DOK4: variants seen among roughly 807,000 people sequenced by gnomAD.
DOK4 encodes the protein docking protein 4.
A neutral mutation model predicts 40.1 loss-of-function variants in DOK4; 26 were observed. That is an observed-to-expected ratio of 0.65 (90% CI 0.48 to 0.90). The LOEUF (loss-of-function observed/expected upper bound fraction) is 0.90, where lower values mean the gene tolerates loss of function less well. Ranked by LOEUF, DOK4 falls within the 40% of genes least tolerant of loss-of-function variation. DOK4 has a pLI of 0.00. For synonymous variants in DOK4, 179 were observed against 177.0 expected, an observed-to-expected ratio of 1.01 and a Z score of -0.09; for missense variants, 392 against 437.2, an observed-to-expected ratio of 0.90 and a Z score of 0.92.
At chr16:57,475,783 T>TCCCTCTCTCCCCTCTCG in intron 3 of DOK4, 67 bp downstream of exon 3, 1 of 1,164,220 alleles carries the variant, frequency 8.6e-7, no homozygotes, top group East Asian at 3.6e-5. Context: ...CTCCCCTCTC[T>TCCCTCTCTCCCCTCTCG]CCCTCTCTCT....
chr16:57,472,136 T>TGAGAGC (rs1386042271), exon 9 of DOK4: 2 of 152,510 alleles, frequency 1.3e-5, no homozygotes, highest in Non-Finnish European at 2.9e-5. Context: ...CGGGTCACGT[T>TGAGAGC]GAGAGCGAGG....
Position 57,473,906 on chromosome 16 carries a change from C to T in DOK4, c.733G>A (p.Val245Met), listed in dbSNP as rs746169356. 156 of 1,601,138 alleles carry T rather than the reference C, an allele frequency of 9.7e-5. No homozygotes were observed. Among genetic ancestry groups the T allele is most frequent in the Non-Finnish European group, 1.3e-4 (149 of 1,171,232 alleles). The change falls in exon 7 of 9, where the codon GTG (valine) becomes ATG (methionine). Residue 245 changes from valine to methionine, a missense_variant. Physicochemically the swap from Val to Met is conservative, Grantham distance 21. Transcript: ENST00000340099. ...ACTGATGCCCGCTGCCTCACCCTCA[C>T]GTTCTTCTCCATTTCCAGCAGGACC...
rs992645770 is a variant in DOK4 at position 57,474,776 on chromosome 16, A to C, written c.599+17T>G. The C allele has an allele frequency of 1.2e-6, 2 of 1,611,442 alleles. No individual in the cohort carries two copies. The highest frequency in any genetic ancestry group is 8.5e-7 in the Non-Finnish European group (1 of 1,179,312). ...CACACCATAGTAGGACAGGGCTGGG[A>C]GGCGAGAGGGTCCTACCGGCCAGCC... On this transcript the variant is annotated intron_variant, in intron 6 of 8. Coordinates refer to ENST00000340099, the Ensembl canonical transcript of DOK4.
Position 57,482,363 on chromosome 16 carries a change from G to GTTTTT in DOK4, c.-181-2680_-181-2676dup, listed in dbSNP as rs11390639. 4.3e-4 allele frequency among the ~76,000 whole-genome samples: 40 copies of GTTTTT among 93,016 alleles called. 2 individuals are homozygous for GTTTTT. Among genetic ancestry groups the GTTTTT allele is most frequent in the Non-Finnish European group, 6.2e-4 (31 of 49,736 alleles). 61.0% of individuals were successfully genotyped at this position (93,016 alleles called of 152,430 possible). A position where few individuals can be genotyped will look rare whatever the true frequency, so the allele number is the denominator to read the frequency against. On this transcript the variant is annotated intron_variant, in intron 1 of 8. Transcript: ENST00000340099. Reference sequence around the variant, plus strand: ...ACTTGTTTGTAGAGATGGGGCTTTTGTTTTTTTTTTTTTTTTTTTTTGAGA... The same window carrying GTTTTT: ...ACTTGTTTGTAGAGATGGGGCTTTTGTTTTTTTTTTTTTTTTTTTTTTTTTTGAGA...
exon 7 of DOK4, chr16:57,473,942 G>T (rs1167038444): frequency 6.2e-7 from 1 of 1,612,178 alleles, no homozygotes; most frequent in African/African-American, 1.3e-5. Flanking sequence ...CGCTTGTGCT[G>T]CTCTGCGATG....
chr16:57,479,902 G>A lies in DOK4; in HGVS notation c.-181-214C>T, dbSNP rs2031355566. 1 of 177,890 alleles carries A rather than the reference G, an allele frequency of 5.6e-6. No individual in the cohort carries two copies. Among genetic ancestry groups the A allele is most frequent in the Non-Finnish European group, 1.2e-5 (1 of 83,994 alleles). 11.0% of individuals were successfully genotyped at this position (177,890 alleles called of 1,614,324 possible). On this transcript the variant is annotated intron_variant, in intron 1 of 8. Coordinates refer to ENST00000340099, the Ensembl canonical transcript of DOK4. The surrounding 1 kb of genome is among the most constrained non-coding windows in gnomAD (Gnocchi z 5.8). ...GGTGGAGGCGGCAGTGAGGAAAATG[G>A]TCCAGCCCAGTCCCCTCCCTCACGG...
intron 1 of DOK4, among the ~76,000 whole-genome samples, chr16:57,481,210 C>T (rs1482531508): frequency 3.9e-5 from 6 of 152,022 alleles, no homozygotes; most frequent in Non-Finnish European, 7.4e-5. Context: ...ATGGGACTAC[C>T]CCAGTGGGCA....
At chr16:57,481,147 G>C (rs2031395463) in intron 1 of DOK4, among the ~76,000 whole-genome samples, 1 of 152,218 alleles carries the variant, frequency 6.6e-6, no homozygotes, top group South Asian at 2.1e-4. Flanking sequence ...CCAGCAGCTT[G>C]GCATTAATTA....
chr16:57,482,272 C>T (rs1240937209), intron 1 of DOK4, among the ~76,000 whole-genome samples: 1 of 152,184 alleles, frequency 6.6e-6, no homozygotes, highest in African/African-American at 2.4e-5. Flanking sequence ...AGTGATCCAC[C>T]CACCTCAGCC....
Position 57,479,809 on chromosome 16 carries a change from T to G in DOK4, c.-181-121A>C. ...TCCTCTCTCCCTCTTCCCTCCCTCC[T>G]TCCTCCCGCCCTTCTTCCTTCCCTT... On this transcript the variant is annotated intron_variant, in intron 1 of 8. Transcript: ENST00000340099. This position sits in a 1 kb window ranked among gnomAD's most constrained non-coding sequence, Gnocchi z 5.8. 9 of 283,786 alleles carry G rather than the reference T, an allele frequency of 3.2e-5. No individual in the cohort carries two copies. The highest frequency in any genetic ancestry group is 9.4e-5 in the East Asian group (1 of 10,672). 17.6% of individuals were successfully genotyped at this position (283,786 alleles called of 1,614,324 possible). A position where few individuals can be genotyped will look rare whatever the true frequency, so the allele number is the denominator to read the frequency against.
At chr16:57,473,069 T>C (rs1766693476) in exon 9 of DOK4, 1 of 323,942 alleles carries the variant, frequency 3.1e-6, no homozygotes, top group African/African-American at 2.1e-5. Flanking sequence ...AAAATTTGTG[T>C]GTATTGGTGG....
intron 1 of DOK4, among the ~76,000 whole-genome samples, chr16:57,482,468 G>A (rs548170255): frequency 7.0e-6 from 1 of 141,962 alleles, no homozygotes; most frequent in Non-Finnish European, 1.5e-5. Context: ...CCGGGTTCAC[G>A]CCATTCTCCT....
intron 3 of DOK4, 40 bp from the exon 4 acceptor site, chr16:57,475,660 ATCTCTC>A (rs745508207): frequency 0.016 from 7,549 of 476,106 alleles, 47 homozygotes; most frequent in African/African-American, 0.055. Context: ...AGGCCAGTGC[ATCTCTC>A]TCTCTCTCTC....
rs1302662811 is a variant in DOK4, at chr16:57,485,352, C to A, written c.-182+953G>T. Among the ~76,000 whole-genome samples the A allele has an allele frequency of 6.6e-6, 1 of 152,112 alleles. No individual in the cohort carries two copies. Among genetic ancestry groups the A allele is most frequent in the African/African-American group, 2.4e-5 (1 of 41,408 alleles). ...AAGTGCTGGGAGTAACCAGTACCAG[C>A]ACAGCAAGGCAAGCAACTGGGGAGA... On this transcript the variant is annotated intron_variant, in intron 1 of 8. Transcript: ENST00000340099. This position sits in a 1 kb window ranked among gnomAD's most constrained non-coding sequence, Gnocchi z 4.3.
rs759553112 is a variant in DOK4, at chr16:57,479,331, C to T, written c.66+111G>A. ...CCCGAGACCACAGATGCACGATGCC[C>T]GGCAGCCGGAGGGCAGCCGCGTGCC... On this transcript the variant is annotated intron_variant, in intron 2 of 8. Coordinates refer to ENST00000340099, the Ensembl canonical transcript of DOK4. The surrounding 1 kb of genome is among the most constrained non-coding windows in gnomAD (Gnocchi z 5.8). The T allele has an allele frequency of 8.1e-6, 10 of 1,233,290 alleles. No homozygotes were observed. Among genetic ancestry groups the T allele is most frequent in the South Asian group, 2.7e-5 (2 of 75,134 alleles). The allele number at this position is 1,233,290 out of a possible 1,614,324, so 76.4% of individuals were successfully genotyped here.
At position 57,475,088 on chromosome 16, in the gene DOK4, GC is replaced by G. The variant is rs1216045892; in HGVS notation, c.409+11del. Reference sequence around the variant, plus strand: ...CCCCCTCCCCACCCCCAGGGCCAGGGCCCGGCCTCACCTGTCTGTTCACACT... The same window carrying G: ...CCCCCTCCCCACCCCCAGGGCCAGGGCCGGCCTCACCTGTCTGTTCACACT... On this transcript the variant is annotated intron_variant, in intron 5 of 8. Transcript: ENST00000340099. 5 of 1,612,264 alleles carry G rather than the reference GC, an allele frequency of 3.1e-6. No homozygotes were observed. Among genetic ancestry groups the G allele is most frequent in the Non-Finnish European group, 4.2e-6 (5 of 1,178,970 alleles).
chr16:57,486,789 C>G (rs572265881), upstream of DOK4, among the ~76,000 whole-genome samples: 1 of 150,498 alleles, frequency 6.6e-6, no homozygotes, highest in African/African-American at 2.5e-5. Context: ...CACACCCATA[C>G]GCCACATCAG....
intron 1 of DOK4, among the ~76,000 whole-genome samples, chr16:57,483,475 GA>G (rs1443399514): frequency 5.9e-5 from 9 of 151,996 alleles, no homozygotes; most frequent in African/African-American, 1.9e-4. Flanking sequence ...TACAAAAAAT[GA>G]AAAAATAAGC....
rs1354356646 is a variant in DOK4, at chr16:57,479,541, C to A, written c.-34G>T. 2 of 1,611,004 alleles carry A rather than the reference C, an allele frequency of 1.2e-6. No homozygotes were observed. The highest frequency in any genetic ancestry group is 1.6e-4 in the Middle Eastern group (1 of 6,080). ...CACCTTTTAGGGGCGCGGGGCCTGG[C>A]AGAGGCGAGGGGAAGGATGCCCAGG... On this transcript the variant is annotated 5_prime_UTR_variant, in exon 2 of 9. Transcript: ENST00000340099. The surrounding 1 kb of genome is among the most constrained non-coding windows in gnomAD (Gnocchi z 5.8).
Sources: allele counts gnomAD v4.1 joint callset (sites outside exome capture counted in the v4.1 genomes callset), GRCh38; gene constraint gnomAD v4.1.1; non-coding constraint Gnocchi (gnomAD v3.1); transcripts MANE v1.5; gene names NCBI Gene and HGNC (gene_info 2026-07-23, HGNC 2026-07-21).